Variants in BRCA1 observed in about 807,000 individuals in gnomAD.
BRCA1 encodes the protein breast cancer type 1 susceptibility protein.
Under a neutral mutation model 173.7 loss-of-function variants are expected in BRCA1, and 140 were observed. That is an observed-to-expected ratio of 0.81 (90% CI 0.70 to 0.93). The LOEUF (loss-of-function observed/expected upper bound fraction) is 0.93. Among genes scored for constraint, BRCA1 ranks in the 40% least tolerant of loss-of-function variants. BRCA1 has a pLI of 0.00. For missense variants in BRCA1, 1,983 were observed against 2,172.5 expected, an observed-to-expected ratio of 0.91 and a Z score of 1.73; for synonymous variants, 662 against 756.0, an observed-to-expected ratio of 0.88 and a Z score of 2.04.
intron 1 of BRCA1, among the ~76,000 whole-genome samples, chr17:43,139,396 C>G: frequency 6.6e-6 from 1 of 151,520 alleles, no homozygotes; most frequent in South Asian, 2.1e-4. Context: ...TAGAGTCTCG[C>G]TCTGTTGCCC....
intron 12 of BRCA1, among the ~76,000 whole-genome samples, chr17:43,082,185 CTTG>C (rs777531326): frequency 7.2e-5 from 11 of 152,332 alleles, no homozygotes; most frequent in Middle Eastern, 3.4e-3. Context: ...ATAGCATCTA[CTTG>C]TTGTAGGTAC....
In BRCA1 at chr17:43,091,569, G is replaced by C. The variant is rs386833394; in HGVS notation, c.3962C>G (p.Ser1321Cys). The C allele has an allele frequency of 6.2e-7, 1 of 1,614,134 alleles. No individual in the cohort carries two copies. Among genetic ancestry groups the C allele is most frequent in the Non-Finnish European group, 8.5e-7 (1 of 1,180,030 alleles). The change falls in exon 10 of 23, where the codon TCC becomes TGC. Residue 1321 changes from serine (S) to cysteine (C), a missense_variant. Physicochemically the swap from Ser to Cys is moderately radical, Grantham distance 112 (BLOSUM62 -1). Transcript: ENST00000357654. The stretch of plus-strand genomic sequence containing the variant: ...TTCAGACTGATGCCTCATTTGTTTG[G>C]AAGAACCAATCAAGAAAGGATCCTG... ...NTQDPFLIGS[S>C]KQMRHQSESQ...
chr17:43,124,949 T>A (rs1339986864), intron 1 of BRCA1: 4 of 321,504 alleles, frequency 1.2e-5, no homozygotes, highest in Non-Finnish European at 2.5e-5. Context: ...TTTCACCACG[T>A]TGGTCAGGCT....
In BRCA1 at chr17:43,104,222, G is replaced by C. The variant is rs786202620; in HGVS notation, c.341C>G (p.Ser114Cys). The C allele has an allele frequency of 6.2e-7, 1 of 1,612,772 alleles. No homozygotes were observed. The highest frequency in any genetic ancestry group is 1.7e-5 in the Admixed American group (1 of 59,986). ...AACTTCATCTTTTAGATGTTCAGGA[G>C]AGTTATTTTCCTTTTTTGCAAAATT... is the stretch of plus-strand genomic sequence containing the variant. ...SYNFAKKENN[S>C]PEHLKDEVSI... Residue 114 changes from serine to cysteine, a missense_variant, in exon 6 of 23, where the codon TCT becomes TGT. Ser to Cys is a moderately radical substitution (Grantham distance 112, BLOSUM62 -1). Coordinates refer to ENST00000357654, the MANE Select transcript of BRCA1 (RefSeq NM_007294.4).
intron 3 of BRCA1, among the ~76,000 whole-genome samples, chr17:43,107,188 C>T (rs1229051067): frequency 6.6e-6 from 1 of 151,408 alleles, no homozygotes; most frequent in Non-Finnish European, 1.5e-5. Context: ...CCTCAGCCTC[C>T]CGAGCAGCTG....
chr17:43,091,481 G>C lies in BRCA1; in HGVS notation c.4050C>G (p.Gly1350=). 1 of 1,613,508 alleles carries C rather than the reference G, an allele frequency of 6.2e-7. No homozygotes were observed. The highest frequency in any genetic ancestry group is 1.3e-5 in the African/African-American group (1 of 74,946). ...LVSDDEERGT[G]LEENNQEEQS... ...GCTCTTCTTGATTATTTTCTTCCAA[G>C]CCCGTTCCTCTTTCTTCATCATCTG... The change falls in exon 10 of 23, where the codon GGC becomes GGG. Residue 1350 remains glycine (G), a synonymous_variant. Coordinates refer to ENST00000357654, the MANE Select transcript of BRCA1 (RefSeq NM_007294.4).
rs760396669 is a variant in BRCA1, at chr17:43,047,671, A to G, written c.5439T>C (p.Asp1813=). The G allele has an allele frequency of 6.2e-6, 10 of 1,614,238 alleles. No homozygotes were observed. Among genetic ancestry groups the G allele is most frequent in the South Asian group, 4.4e-5 (4 of 91,088 alleles). The change falls in exon 22 of 23, where the codon GAT becomes GAC. Residue 1813 remains aspartate (D), a synonymous_variant. Transcript: ENST00000357654. The stretch of plus-strand genomic sequence containing the variant: ...GGAAGCCATTGTCCTCTGTCCAGGC[A>G]TCTGGCTGCACAACCACAATTGGGT... ...GVHPIVVVQP[D]AWTEDNGFHA...
chr17:43,085,860 T>C (rs192800327), intron 11 of BRCA1, among the ~76,000 whole-genome samples: 141 of 152,256 alleles, frequency 9.3e-4, no homozygotes, highest in African/African-American at 3.3e-3. Flanking sequence ...ATATAAAACC[T>C]TCCCATAAAA....
chr17:43,062,144 A>G (rs1033310968), intron 18 of BRCA1, among the ~76,000 whole-genome samples: 4 of 151,858 alleles, frequency 2.6e-5, no homozygotes, highest in African/African-American at 4.8e-5. Context: ...CAAGTGCAAG[A>G]GTGCAATGGT....
At chr17:43,155,398 GTTAA>G (rs958415548) in intron 1 of BRCA1, among the ~76,000 whole-genome samples, 5 of 152,124 alleles carry the variant, frequency 3.3e-5, no homozygotes, top group African/African-American at 7.2e-5. Context: ...AATTTTTAAT[GTTAA>G]TTAATTTTTA....
chr17:43,095,625 ACAAT>A (rs1010147315), intron 9 of BRCA1, among the ~76,000 whole-genome samples: 6 of 152,000 alleles, frequency 3.9e-5, no homozygotes, highest in Admixed American at 3.9e-4. Context: ...CGAAAGGGCA[ACAAT>A]CAGTTACAGA....
At chr17:43,129,714 T>C (rs1222450637), upstream of BRCA1, among the ~76,000 whole-genome samples, 1 of 152,214 alleles carries the variant, frequency 6.6e-6, no homozygotes, top group Non-Finnish European at 1.5e-5. Context: ...GACCTCGTGA[T>C]CTGCCTTCCT....
At chr17:43,097,463 A>ACAC (rs1175464325) in intron 7 of BRCA1, among the ~76,000 whole-genome samples, 174 bp from the exon 8 acceptor site, 1 of 152,232 alleles carries the variant, frequency 6.6e-6, no homozygotes, top group African/African-American at 2.4e-5. Flanking sequence ...GGTTAAAGGC[A>ACAC]TGGGCTTCGC....
At chr17:43,061,746 C>T (rs927165005) in intron 18 of BRCA1, among the ~76,000 whole-genome samples, 1 of 152,048 alleles carries the variant, frequency 6.6e-6, no homozygotes, top group Middle Eastern at 3.2e-3. Flanking sequence ...CCACGCTCGA[C>T]TAATTTTTTT....
In BRCA1 at chr17:43,049,415, G is replaced by T. The variant is rs8176304; in HGVS notation, c.5333-221C>A. On this transcript the variant is annotated intron_variant, in intron 20 of 22. Transcript: ENST00000357654. Reference sequence around the variant, plus strand: ...TACTCTGGTTATCAGTCTCCATAAGGCCACTTGGTATAAGGTTTGATAGTC... The same window carrying T: ...TACTCTGGTTATCAGTCTCCATAAGTCCACTTGGTATAAGGTTTGATAGTC... 4.4e-3 allele frequency among the ~76,000 whole-genome samples: 668 copies of T among 152,104 alleles called. 6 individuals carry two copies. The highest frequency in any genetic ancestry group is 0.015 in the African/African-American group (616 of 41,468).
rs80357797 is a variant in BRCA1, at chr17:43,091,859, G to GGGAA, written c.3668_3671dup (p.Cys1225SerfsTer10). 6.2e-7 allele frequency: 1 copy of GGGAA among 1,614,156 alleles called. No homozygotes were observed. On this transcript the variant is annotated frameshift_variant, in exon 10 of 23. Coordinates refer to ENST00000357654, the MANE Select transcript of BRCA1 (RefSeq NM_007294.4). LOFTEE classifies it high-confidence loss of function. ...TACCAAATAACAAGTGTTGGAAGCA[G>GGGAA]GGAAGCTCTTCATCCTCACTAGATA... is the stretch of plus-strand genomic sequence containing the variant.
intron 1 of BRCA1, chr17:43,132,913 A>C (rs1597931137): frequency 6.6e-6 from 1 of 150,998 alleles, no homozygotes; most frequent in African/African-American, 2.4e-5. Flanking sequence ...ACAGGCGCCC[A>C]CCAGCACGCC....
chr17:43,105,411 T>C (rs1367118353), intron 4 of BRCA1, among the ~76,000 whole-genome samples: 1 of 152,098 alleles, frequency 6.6e-6, no homozygotes, highest in East Asian at 1.9e-4. Context: ...ATTTATTTAT[T>C]TATTTTGTTG....
chr17:43,079,270 C>T lies in BRCA1; in HGVS notation c.4358-2656G>A, dbSNP rs2154104027. 3.8e-6 allele frequency: 5 copies of T among 1,303,748 alleles called. No individual in the cohort carries two copies. The South Asian group carries it at 4.8e-5, about 12-fold the overall frequency. The allele number at this position is 1,303,748 out of a possible 1,614,324, so 80.8% of individuals were successfully genotyped here. Reference sequence around the variant, plus strand: ...ATTAAAAAGTCATTCCTCCTTTTGGCCAGAACCACCATCTTTCAGTAATTT... The same window carrying T: ...ATTAAAAAGTCATTCCTCCTTTTGGTCAGAACCACCATCTTTCAGTAATTT... On this transcript the variant is annotated intron_variant, in intron 12 of 22. Coordinates refer to ENST00000357654, the MANE Select transcript of BRCA1 (RefSeq NM_007294.4).
Sources: gnomAD v4.1 joint callset for allele counts (sites outside exome capture counted in the v4.1 genomes callset) on GRCh38, gnomAD v4.1.1 for gene constraint, MANE v1.5 for transcripts, NCBI Gene and HGNC (gene_info 2026-07-23, HGNC 2026-07-21) for gene names.